Variants in VCL observed in about 807,000 individuals in gnomAD.
VCL encodes epididymis luminal protein 114.
Under a neutral mutation model 125.7 loss-of-function variants are expected in VCL, and 47 were observed. The observed-to-expected ratio is 0.37, with a 90% CI of 0.30 to 0.48. VCL has a LOEUF of 0.48. VCL is among the 20% of genes least tolerant of loss of function. The pLI, the probability that VCL is intolerant of heterozygous loss-of-function variation, is 0.99. For synonymous variants in VCL, 458 were observed against 514.6 expected (o/e 0.89, Z 1.49); for missense variants, 1,069 against 1,455.5 (o/e 0.73, Z 4.32).
chr10:74,032,142 G>A (rs1042440351), intron 1 of VCL, among the ~76,000 whole-genome samples: 1 of 149,266 alleles, frequency 6.7e-6, no homozygotes, highest in African/African-American at 2.5e-5. Context: ...AGGGGGCTGA[G>A]GTGGGAGGAT....
intron 12 of VCL, among the ~76,000 whole-genome samples, chr10:74,096,310 G>A (rs1300851941): frequency 2.6e-5 from 4 of 151,736 alleles, no homozygotes; most frequent in Non-Finnish European, 5.9e-5. Flanking sequence ...TGAAGATCAC[G>A]TCACTGCACT....
intron 10 of VCL, 66 bp downstream of exon 10, chr10:74,090,264 CCCTT>C (rs1321844309): frequency 6.3e-7 from 1 of 1,577,988 alleles, no homozygotes; most frequent in East Asian, 2.2e-5. Context: ...CCTTCCCTCT[CCCTT>C]TCTTTCTTTC....
At chr10:74,052,888 T>C (rs1841329567) in intron 2 of VCL, among the ~76,000 whole-genome samples, 1 of 150,876 alleles carries the variant, frequency 6.6e-6, no homozygotes, top group African/African-American at 2.4e-5. Flanking sequence ...GATTTGCTGA[T>C]AATGAACCAT....
chr10:74,049,082 G>A (rs145158789), intron 2 of VCL, among the ~76,000 whole-genome samples: 1 of 152,154 alleles, frequency 6.6e-6, no homozygotes, highest in African/African-American at 2.4e-5. Flanking sequence ...ACTCCAGCCT[G>A]GGCGACAGAG....
intron 1 of VCL, among the ~76,000 whole-genome samples, chr10:74,031,761 A>T (rs956652115): frequency 1.3e-5 from 2 of 152,078 alleles, no homozygotes; most frequent in African/African-American, 4.8e-5. Flanking sequence ...TCTACAAAAA[A>T]TACTAAAAAT....
At chr10:74,094,737 T>G (rs1270584009) in intron 11 of VCL, among the ~76,000 whole-genome samples, 1 of 151,904 alleles carries the variant, frequency 6.6e-6, no homozygotes, top group African/African-American at 2.4e-5. Context: ...CCAAGCAACA[T>G]AGCAAGACCC....
rs777709634 is a variant in VCL at position 74,089,219 on chromosome 10, C to T, written c.1046C>T (p.Ala349Val). Reference protein sequence around the residue: ...RARGQGSSPVAMQKAQQVSQG... With the variant: ...RARGQGSSPVVMQKAQQVSQG... ...AGAGGACAAGGATCCTCACCGGTGG[C>T]CATGCAGAAAGCTCAGCAGGTATCT... Residue 349 changes from alanine to valine, a missense_variant, in exon 9 of 22, where the codon GCC becomes GTC. Transcript: ENST00000211998. The T allele has an allele frequency of 9.3e-6, 15 of 1,613,964 alleles. No homozygotes were observed. Among genetic ancestry groups the T allele is most frequent in the Admixed American group, 1.7e-5 (1 of 59,978 alleles).
At chr10:74,048,196 C>T (rs888826605) in intron 2 of VCL, among the ~76,000 whole-genome samples, 6 of 152,052 alleles carry the variant, frequency 3.9e-5, no homozygotes, top group East Asian at 1.9e-4. Context: ...TGGCTGGGTG[C>T]GCTAGCTCAC....
intron 15 of VCL, 155 bp from the exon 16 acceptor site, chr10:74,104,896 T>C: frequency 1.2e-6 from 1 of 849,950 alleles, no homozygotes; most frequent in African/African-American, 1.7e-5. Flanking sequence ...CTGTGGTGTT[T>C]ACCTGGAAGC....
At chr10:74,110,708 T>G (rs1364220847) in intron 18 of VCL, among the ~76,000 whole-genome samples, 1 of 152,162 alleles carries the variant, frequency 6.6e-6, no homozygotes, top group African/African-American at 2.4e-5. Flanking sequence ...GGTTAAGACT[T>G]TTAGGAGTGG....
intron 1 of VCL, among the ~76,000 whole-genome samples, chr10:74,041,902 C>T (rs960792054): frequency 6.6e-6 from 1 of 152,156 alleles, no homozygotes; most frequent in Non-Finnish European, 1.5e-5. Context: ...GACTCTATTT[C>T]AAAAACACAA....
intron 1 of VCL, among the ~76,000 whole-genome samples, chr10:74,018,766 GAA>G (rs1565635089): frequency 6.6e-6 from 1 of 152,128 alleles, no homozygotes; most frequent in Non-Finnish European, 1.5e-5. Flanking sequence ...GGTATACAGT[GAA>G]AAGTCTCCCT....
intron 18 of VCL, 56 bp from the exon 19 acceptor site, chr10:74,111,853 C>G (rs965508357): frequency 1.9e-6 from 3 of 1,603,104 alleles, no homozygotes; most frequent in Middle Eastern, 1.7e-4. Context: ...TTTCCCAAGT[C>G]GTATTGCTCT....
At chr10:74,017,922 G>A (rs909426597) in intron 1 of VCL, among the ~76,000 whole-genome samples, 23 of 151,654 alleles carry the variant, frequency 1.5e-4, no homozygotes, top group Non-Finnish European at 1.6e-4. Flanking sequence ...ACTTTGGGAG[G>A]CTGAGGCAGG....
intron 1 of VCL, among the ~76,000 whole-genome samples, chr10:74,004,319 A>G (rs905410071): frequency 6.6e-5 from 10 of 152,228 alleles, no homozygotes; most frequent in African/African-American, 2.4e-4. Flanking sequence ...ATAGCAGTCT[A>G]TGGGTAGGTA....
intron 2 of VCL, among the ~76,000 whole-genome samples, chr10:74,061,586 T>C (rs373389383): frequency 1.8e-4 from 27 of 152,340 alleles, no homozygotes; most frequent in Admixed American, 3.9e-4. Flanking sequence ...TGTTCAAGTT[T>C]CCTGGAAACA....
At chr10:74,039,182 G>GAT (rs1445747904) in intron 1 of VCL, among the ~76,000 whole-genome samples, 1 of 152,140 alleles carries the variant, frequency 6.6e-6, no homozygotes, top group African/African-American at 2.4e-5. Context: ...AAAGTGCTGG[G>GAT]ATTTATAGGC....
intron 1 of VCL, among the ~76,000 whole-genome samples, chr10:74,030,957 C>T (rs976217066): frequency 1.3e-5 from 2 of 152,178 alleles, no homozygotes; most frequent in African/African-American, 4.8e-5. Flanking sequence ...ATCCTTGCCC[C>T]AAATTCTACA....
intron 9 of VCL, among the ~76,000 whole-genome samples, chr10:74,089,815 T>G (rs1174633768): frequency 6.6e-6 from 1 of 152,224 alleles, no homozygotes; most frequent in Non-Finnish European, 1.5e-5. Flanking sequence ...GAAAATATTT[T>G]ATGCTAATGG....
Sources: allele counts gnomAD v4.1 joint callset (sites outside exome capture counted in the v4.1 genomes callset), GRCh38; gene constraint gnomAD v4.1.1; transcripts MANE v1.5; gene names NCBI Gene and HGNC (gene_info 2026-07-23, HGNC 2026-07-21).